The following ABCA2 variants were observed in gnomAD, a reference collection of about 807,000 sequenced individuals.
ABCA2 encodes the protein ATP-binding cassette sub-family A member 2.
ABCA2 carries 84 observed loss-of-function variants against 262.8 expected under a neutral mutation model. The observed-to-expected ratio is 0.32, with a 90% CI of 0.27 to 0.38. The LOEUF is 0.38. Among genes scored for constraint, ABCA2 ranks in the 10% least tolerant of loss-of-function variants. ABCA2 has a pLI of 1.00. For missense variants in ABCA2, 2,662 were observed against 3,405.9 expected (o/e 0.78, Z 5.44); for synonymous variants, 1,696 against 1,502.9 (o/e 1.13, Z -2.97).
At chr9:137,013,600 C>T (rs1460478791) in intron 28 of ABCA2, 37 bp from the exon 29 acceptor site, 2 of 1,569,500 alleles carry the variant, frequency 1.3e-6, no homozygotes, top group Non-Finnish European at 1.7e-6. Flanking sequence ...GCAGGTTCTG[C>T]CCTCTGGCCA....
Position 137,015,950 on chromosome 9 carries a change from CA to C in ABCA2, c.3317+11del. ...CCGCCCACCTGCCCCGCCCCCCGCC[CA>C]GCCCACCCACTTGTCCATCTCTCTG... On this transcript the variant is annotated intron_variant, in intron 22 of 48. Coordinates refer to ENST00000341511, the MANE Select transcript of ABCA2 (RefSeq NM_001606.5). 1 of 624,278 alleles carries C rather than the reference CA, an allele frequency of 1.6e-6. No homozygotes were observed. Among genetic ancestry groups the C allele is most frequent in the Non-Finnish European group, 2.9e-6 (1 of 344,238 alleles). 38.7% of individuals were successfully genotyped at this position (624,278 alleles called of 1,614,324 possible). A position where few individuals can be genotyped will look rare whatever the true frequency, so the allele number is the denominator to read the frequency against.
Position 137,022,459 on chromosome 9 carries a change from GT to G in ABCA2, c.458del (p.Asp153AlafsTer14). On this transcript the variant is annotated frameshift_variant, in exon 6 of 49. Transcript: ENST00000341511. LOFTEE classifies it high-confidence loss of function. ...GCTCCTGCGGGTTTCTGGCCACCGA[GT>G]CCAGAGAGAAGGAAGACACTGGACA... ...DRSTVSSFSL[D>X]SVARNPQELW... is the part of the protein sequence containing the mutation. 1 of 1,611,898 alleles carries G rather than the reference GT, an allele frequency of 6.2e-7. No homozygotes were observed. The highest frequency in any genetic ancestry group is 1.1e-5 in the South Asian group (1 of 90,732).
Position 137,011,659 on chromosome 9 carries a change from C to T in ABCA2, c.5626G>A (p.Val1876Ile), listed in dbSNP as rs775000577. Reference sequence around the variant, plus strand: ...CCATAGAGCAGGAAGAGGGAGAGGACGGCAGGGAAGTTGGTGGGCGACGTG... The same window carrying T: ...CCATAGAGCAGGAAGAGGGAGAGGATGGCAGGGAAGTTGGTGGGCGACGTG... ...AYTSPTNFPA[V>I]LSLFLLYGWS... The change falls in exon 36 of 49, where the codon GTC (valine) becomes ATC (isoleucine). Residue 1876 changes from valine to isoleucine, a missense_variant. By Grantham distance (29) the Val-to-Ile change is conservative. Around this residue, in one of 12 missense-constraint regions of ABCA2, gnomAD observed 602 missense variants for 897.4 expected, o/e 0.67. Transcript: ENST00000341511. The surrounding 1 kb of genome is among the most constrained non-coding windows in gnomAD (Gnocchi z 8.8). 5.0e-5 allele frequency: 78 copies of T among 1,554,118 alleles called. No homozygotes were observed. Among genetic ancestry groups the T allele is most frequent in the African/African-American group, 8.2e-5 (6 of 73,206 alleles).
At position 137,021,141 on chromosome 9, in the gene ABCA2, ACAG is replaced by A; in HGVS notation, c.898-83_898-81del. The A allele has an allele frequency of 2.1e-6, 3 of 1,434,938 alleles. No individual in the cohort carries two copies. Among genetic ancestry groups the A allele is most frequent in the Non-Finnish European group, 2.7e-6 (3 of 1,096,818 alleles). 88.9% of individuals were successfully genotyped at this position (1,434,938 alleles called of 1,614,324 possible). A position where few individuals can be genotyped will look rare whatever the true frequency, so the allele number is the denominator to read the frequency against. ...GATAGGTCAGGAGTGGAGCAGGGAG[ACAG>A]CAGCAGGGAGACACAAGCTAGGGGT... On this transcript the variant is annotated intron_variant, in intron 8 of 48. Coordinates refer to ENST00000341511, the MANE Select transcript of ABCA2 (RefSeq NM_001606.5). This position sits in a 1 kb window ranked among gnomAD's most constrained non-coding sequence, Gnocchi z 6.0.
At position 137,020,929 on chromosome 9, in the gene ABCA2, C is replaced by A. The variant is rs1160408558; in HGVS notation, c.1030G>T (p.Ala344Ser). The change falls in exon 9 of 49, where the codon GCC becomes TCC. Residue 344 changes from alanine to serine, a missense_variant. This residue lies in a region of ABCA2 where 403 missense variants were observed against 375.9 expected (regional missense o/e 1.07). Coordinates refer to ENST00000341511, the MANE Select transcript of ABCA2 (RefSeq NM_001606.5). The part of the protein sequence containing the change: ...LQDVDVLSAL[A>S]LLLPQGACTG... Reference sequence around the variant, plus strand: ...CAGGCACCCTGGGGCAGTAGCAGGGCCAGGGCCGACAGGACATCCACATCC... The same window carrying A: ...CAGGCACCCTGGGGCAGTAGCAGGGACAGGGCCGACAGGACATCCACATCC... 1 of 1,565,782 alleles carries A rather than the reference C, an allele frequency of 6.4e-7. No individual in the cohort carries two copies. Among genetic ancestry groups the A allele is most frequent in the Non-Finnish European group, 8.7e-7 (1 of 1,155,624 alleles).
At chr9:137,013,759 T>G (rs1244503380) in intron 28 of ABCA2, 73 bp downstream of exon 28, 3 of 1,496,622 alleles carry the variant, frequency 2.0e-6, no homozygotes. Context: ...AGCTCAGGAG[T>G]GGGCATCATC....
In ABCA2 at chr9:137,018,303, T is replaced by A; in HGVS notation, c.1868A>T (p.His623Leu). ...GCTGGAGTTCTGGCGGATCTTGTAGTGCACGTGAGGCGGGAGCGAGCCGTC... is the reference window on the plus strand; with the variant it reads ...GCTGGAGTTCTGGCGGATCTTGTAGAGCACGTGAGGCGGGAGCGAGCCGTC... Reference protein sequence around the residue: ...RKDGSLPPHVHYKIRQNSSFT... With the variant: ...RKDGSLPPHVLYKIRQNSSFT... The change falls in exon 14 of 49, where the codon CAC becomes CTC. Residue 623 changes from histidine to leucine, a missense_variant. By Grantham distance (99) the His-to-Leu change is moderately conservative (BLOSUM62 -3). This residue lies in a region of ABCA2 where 187 missense variants were observed against 205.9 expected (regional missense o/e 0.91). Transcript: ENST00000341511. 6.3e-7 allele frequency: 1 copy of A among 1,597,086 alleles called. No homozygotes were observed. The highest frequency in any genetic ancestry group is 8.5e-7 in the Non-Finnish European group (1 of 1,174,802).
chr9:137,010,988 A>G lies in ABCA2; in HGVS notation c.6041T>C (p.Phe2014Ser). The G allele has an allele frequency of 6.6e-7, 1 of 1,517,356 alleles. No individual in the cohort carries two copies. Among genetic ancestry groups the G allele is most frequent in the Non-Finnish European group, 8.9e-7 (1 of 1,121,194 alleles). 94.0% of individuals were successfully genotyped at this position (1,517,356 alleles called of 1,614,324 possible). A position where few individuals can be genotyped will look rare whatever the true frequency, so the allele number is the denominator to read the frequency against. ...CCCCACTCACTGTGGCCGCCGCAGG[A>G]AGTTGTACTGGCACATGATGGTCAG... ...FLLTIMCQYN[F>S]LRRPQRMPVS... Residue 2014 changes from phenylalanine to serine, a missense_variant, in exon 39 of 49, where the codon TTC (phenylalanine) becomes TCC (serine). Around this residue, in one of 12 missense-constraint regions of ABCA2, gnomAD observed 602 missense variants for 897.4 expected, o/e 0.67. Coordinates refer to ENST00000341511, the MANE Select transcript of ABCA2 (RefSeq NM_001606.5).
intron 1 of ABCA2, among the ~76,000 whole-genome samples, chr9:137,024,684 GC>G (rs1259502316): frequency 6.6e-6 from 1 of 152,182 alleles, no homozygotes; most frequent in Non-Finnish European, 1.5e-5. Flanking sequence ...CAATACCGGG[GC>G]CTGGGGAGAT....
rs188858295 is a variant in ABCA2, at chr9:137,025,331, C to T, written c.67-1095G>A. 3.2e-3 allele frequency among the ~76,000 whole-genome samples: 490 copies of T among 152,272 alleles called. 1 individual carries two copies. Among genetic ancestry groups the T allele is most frequent in the Non-Finnish European group, 4.7e-3 (322 of 68,006 alleles). On this transcript the variant is annotated intron_variant, in intron 1 of 48. Coordinates refer to ENST00000341511, the MANE Select transcript of ABCA2 (RefSeq NM_001606.5). The stretch of plus-strand genomic sequence containing the variant: ...AGCCAGCTACCCTCCAGAGAGCCCT[C>T]GGCAGACCAGCCCTCTCTGAGACCC...
In ABCA2 at chr9:137,011,546, A is replaced by G; in HGVS notation, c.5660T>C (p.Ile1887Thr). ...GGAGGCCGGGTACATGATGGGCGTGATGGACCACCTGCGGGCAGGTGGCGG... is the reference window on the plus strand; with the variant it reads ...GGAGGCCGGGTACATGATGGGCGTGGTGGACCACCTGCGGGCAGGTGGCGG... ...LSLFLLYGWS[I>T]TPIMYPASFW... Residue 1887 changes from isoleucine (I) to threonine (T), a missense_variant, in exon 37 of 49, where the codon ATC (isoleucine) becomes ACC (threonine). Ile to Thr is a moderately conservative substitution (Grantham distance 89, BLOSUM62 -1). This residue lies in a region of ABCA2 where 602 missense variants were observed against 897.4 expected (regional missense o/e 0.67). Coordinates refer to ENST00000341511, the MANE Select transcript of ABCA2 (RefSeq NM_001606.5). This position sits in a 1 kb window ranked among gnomAD's most constrained non-coding sequence, Gnocchi z 8.8. 6.3e-7 allele frequency: 1 copy of G among 1,583,016 alleles called. No homozygotes were observed. Among genetic ancestry groups the G allele is most frequent in the Non-Finnish European group, 8.6e-7 (1 of 1,164,706 alleles).
At chr9:137,013,697 G>A in intron 28 of ABCA2, 134 bp from the exon 29 acceptor site, 4 of 1,337,878 alleles carry the variant, frequency 3.0e-6, no homozygotes, top group Non-Finnish European at 4.1e-6. Flanking sequence ...ACTCCCGGAT[G>A]AACCCCGGTG....
At position 137,022,603 on chromosome 9, in the gene ABCA2, G is replaced by A. The variant is rs1334973410; in HGVS notation, c.439+99C>T. ...CAGCCTGTGCGTGGCTGGGAACTCA[G>A]TGCAGGTGGAGGGGCCCAGAGTGGA... On this transcript the variant is annotated intron_variant, in intron 5 of 48. Coordinates refer to ENST00000341511, the MANE Select transcript of ABCA2 (RefSeq NM_001606.5). The A allele has an allele frequency of 1.9e-5, 30 of 1,557,664 alleles. No individual in the cohort carries two copies. The East Asian group carries it at 6.7e-4, about 35-fold the overall frequency.
rs368288084 is a variant in ABCA2, at chr9:137,011,173, C to T, written c.5923+13G>A. The T allele has an allele frequency of 6.2e-6, 10 of 1,612,316 alleles. No individual in the cohort carries two copies. Among genetic ancestry groups the T allele is most frequent in the Middle Eastern group, 1.6e-4 (1 of 6,082 alleles). On this transcript the variant is annotated intron_variant, in intron 38 of 48. Transcript: ENST00000341511. The surrounding 1 kb of genome is among the most constrained non-coding windows in gnomAD (Gnocchi z 8.8). Reference sequence around the variant, plus strand: ...GGCCCCCACCGCCTTCCCCGCCCCACGGGCCCCCTCACCAATCTTGGCGTA... The same window carrying T: ...GGCCCCCACCGCCTTCCCCGCCCCATGGGCCCCCTCACCAATCTTGGCGTA...
In ABCA2 at chr9:137,008,586, G is replaced by A; in HGVS notation, c.7105C>T (p.Leu2369=). Residue 2369 remains leucine (L), a synonymous_variant, in exon 48 of 49, where the codon CTG becomes TTG. Coordinates refer to ENST00000341511, the MANE Select transcript of ABCA2 (RefSeq NM_001606.5). The part of the protein sequence containing the change: ...VNFAKKQSDN[L]EQQETEPPSA... ...GGCGGCTCCGTCTCCTGCTGCTCCA[G>A]GTTGTCACTCTGCTTCTTGGCAAAG... The A allele has an allele frequency of 6.2e-7, 1 of 1,610,034 alleles. No individual in the cohort carries two copies. Among genetic ancestry groups the A allele is most frequent in the Non-Finnish European group, 8.5e-7 (1 of 1,178,814 alleles).
chr9:137,017,545 AGAT>A lies in ABCA2; in HGVS notation c.2356_2358del (p.Ile786del). On this transcript the variant is annotated inframe_deletion, in exon 17 of 49. Coordinates refer to ENST00000341511, the MANE Select transcript of ABCA2 (RefSeq NM_001606.5). Reference sequence around the variant, plus strand: ...ACCGCGTAGACTGCCAGGAAGAGCCAGATGATGACCACGTGGCTGTGCATAAGC... The same window carrying A: ...ACCGCGTAGACTGCCAGGAAGAGCCAGATGACCACGTGGCTGTGCATAAGC... 6.2e-7 allele frequency: 1 copy of A among 1,611,668 alleles called. No homozygotes were observed. The highest frequency in any genetic ancestry group is 8.5e-7 in the Non-Finnish European group (1 of 1,179,010).
chr9:137,018,903 C>T lies in ABCA2; in HGVS notation c.1722G>A (p.Lys574=), dbSNP rs1480887969. The T allele has an allele frequency of 1.2e-6, 2 of 1,612,270 alleles. No individual in the cohort carries two copies. Among genetic ancestry groups the T allele is most frequent in the South Asian group, 1.1e-5 (1 of 91,068 alleles). The part of the protein sequence containing the change: ...AACGWIQFMS[K]VSVDIFKGFP... ...TTGGCTCGGAGGCCCCACCGCTCACCTTGGACATGAACTGGATCCAGCCGC... is the reference window on the plus strand; with the variant it reads ...TTGGCTCGGAGGCCCCACCGCTCACTTTGGACATGAACTGGATCCAGCCGC... The change falls in exon 12 of 49, where the codon AAG becomes AAA. Residue 574 remains lysine, a splice_region_variant and synonymous_variant. Transcript: ENST00000341511.
At position 137,015,796 on chromosome 9, in the gene ABCA2, C is replaced by T; in HGVS notation, c.3393G>A (p.Lys1131=). The change falls in exon 23 of 49, where the codon AAG becomes AAA. Residue 1131 remains lysine, a synonymous_variant. Coordinates refer to ENST00000341511, the MANE Select transcript of ABCA2 (RefSeq NM_001606.5). The part of the protein sequence containing the change: ...VQTLSGGMKR[K]LSVAIAFVGG... Reference sequence around the variant, plus strand: ...CCACGAAGGCGATGGCCACGGACAGCTTGCGCTTCATGCCACCCGACAATG... The same window carrying T: ...CCACGAAGGCGATGGCCACGGACAGTTTGCGCTTCATGCCACCCGACAATG... 1 of 1,612,436 alleles carries T rather than the reference C, an allele frequency of 6.2e-7. No individual in the cohort carries two copies. The highest frequency in any genetic ancestry group is 8.5e-7 in the Non-Finnish European group (1 of 1,179,826).
chr9:137,011,804 T>A lies in ABCA2; in HGVS notation c.5535+40A>T, dbSNP rs1564214200. On this transcript the variant is annotated intron_variant, in intron 35 of 48. Coordinates refer to ENST00000341511, the MANE Select transcript of ABCA2 (RefSeq NM_001606.5). The surrounding 1 kb of genome is among the most constrained non-coding windows in gnomAD (Gnocchi z 8.8). The stretch of plus-strand genomic sequence containing the variant: ...CCCGGGGCAGGGCGGGGATGGGGGA[T>A]GAGAAGGGCCGGGGCACCCCATGGC... 2 of 1,552,352 alleles carry A rather than the reference T, an allele frequency of 1.3e-6. No individual in the cohort carries two copies. The highest frequency in any genetic ancestry group is 1.9e-5 in the Admixed American group (1 of 51,338).
Sources: allele counts gnomAD v4.1 joint callset (sites outside exome capture counted in the v4.1 genomes callset), GRCh38; gene constraint gnomAD v4.1.1; regional missense constraint gnomAD v4.1.1; non-coding constraint Gnocchi (gnomAD v3.1); transcripts MANE v1.5; gene names NCBI Gene and HGNC (gene_info 2026-07-23, HGNC 2026-07-21).